Variants in KATNIP observed in about 807,000 individuals in gnomAD.
KATNIP encodes katanin-interacting protein.
In KATNIP, 126 loss-of-function variants were observed where a neutral mutation model predicts 174.0. The ratio of observed to expected loss-of-function variants is 0.72; its 90% CI spans 0.63 to 0.84. The LOEUF is 0.84. Ranked by LOEUF, KATNIP falls within the 40% of genes least tolerant of loss-of-function variation. KATNIP has a pLI of 0.00. For missense variants in KATNIP, 1,958 were observed against 2,109.7 expected, an observed-to-expected ratio of 0.93 and a Z score of 1.41; for synonymous variants, 810 against 835.7, an observed-to-expected ratio of 0.97 and a Z score of 0.53.
chr16:27,775,561 G>A (rs908709769), intron 24 of KATNIP, among the ~76,000 whole-genome samples: 5 of 152,218 alleles, frequency 3.3e-5, no homozygotes, highest in Admixed American at 6.5e-5. Flanking sequence ...CAGCTCTTCC[G>A]ACCAACTGAC....
At chr16:27,616,508 A>G (rs576362022) in intron 2 of KATNIP, among the ~76,000 whole-genome samples, 2 of 151,474 alleles carry the variant, frequency 1.3e-5, no homozygotes, top group Non-Finnish European at 2.9e-5. Flanking sequence ...GGCAGATTAC[A>G]TGAGGCCAGG....
chr16:27,642,638 G>A (rs916472160), intron 5 of KATNIP, among the ~76,000 whole-genome samples: 2 of 152,118 alleles, frequency 1.3e-5, no homozygotes, highest in Non-Finnish European at 2.9e-5. Context: ...AGTTGATAGG[G>A]CCTGGGAGGA....
intron 5 of KATNIP, among the ~76,000 whole-genome samples, chr16:27,631,930 T>C (rs1411253480): frequency 6.6e-6 from 1 of 152,182 alleles, no homozygotes; most frequent in Non-Finnish European, 1.5e-5. Flanking sequence ...TAGGCTCAGC[T>C]CCCATGTAAC....
At position 27,708,781 on chromosome 16, in the gene KATNIP, A is replaced by C. The variant is rs757280230; in HGVS notation, c.1466A>C (p.Asn489Thr). The C allele has an allele frequency of 6.2e-7, 1 of 1,613,904 alleles. No homozygotes were observed. The highest frequency in any genetic ancestry group is 1.1e-5 in the South Asian group (1 of 91,072). ...ATGGAGATCCTGTCCAACTGGGGCA[A>C]CTCGTGGTGGGTGGGTCTCACAGAA... ...VTMEILSNWGNSWWVGLTEVE... is the reference protein window; with the variant it reads ...VTMEILSNWGTSWWVGLTEVE... Residue 489 changes from asparagine to threonine, a missense_variant, in exon 13 of 28, where the codon AAC (asparagine) becomes ACC (threonine). Transcript: ENST00000261588.
intron 2 of KATNIP, among the ~76,000 whole-genome samples, chr16:27,576,866 G>A (rs1163787155): frequency 1.3e-5 from 2 of 152,180 alleles, no homozygotes; most frequent in African/African-American, 4.8e-5. Flanking sequence ...TAGAACAAAT[G>A]TTGTATTTCT....
chr16:27,648,480 C>T, intron 5 of KATNIP, 124 bp from the exon 6 acceptor site: 1 of 1,159,014 alleles, frequency 8.6e-7, no homozygotes, highest in Non-Finnish European at 1.2e-6. Flanking sequence ...TGCATGCAGG[C>T]ACACCACCCC....
At chr16:27,661,658 G>A (rs1468817072) in intron 6 of KATNIP, among the ~76,000 whole-genome samples, 1 of 151,556 alleles carries the variant, frequency 6.6e-6, no homozygotes, top group African/African-American at 2.4e-5. Flanking sequence ...CTCCCAAAGT[G>A]CTGGGATTAC....
At chr16:27,679,749 CAAA>C (rs60190438) in intron 7 of KATNIP, among the ~76,000 whole-genome samples, 4 of 55,730 alleles carry the variant, frequency 7.2e-5, no homozygotes, top group African/African-American at 1.6e-4. Flanking sequence ...GAGACCCTCT[CAAA>C]AAAAAAAAAA....
chr16:27,608,226 CTTTT>C (rs35752811), intron 2 of KATNIP, among the ~76,000 whole-genome samples: 1 of 109,856 alleles, frequency 9.1e-6, no homozygotes, highest in African/African-American at 3.5e-5. Context: ...TGGTAAAATT[CTTTT>C]TTTTTTTTTT....
At position 27,681,399 on chromosome 16, in the gene KATNIP, G is replaced by A; in HGVS notation, c.809G>A (p.Ser270Asn). Reference sequence around the variant, plus strand: ...ACATGAAACAATTGTTTTCCTACAGGTCATAAAAGGGAAAGGAATTTGTCT... The same window carrying A: ...ACATGAAACAATTGTTTTCCTACAGATCATAAAAGGGAAAGGAATTTGTCT... ...VVLEFNPASK[S>N]HKRERNLSAK... Residue 270 changes from serine to asparagine, a missense_variant and splice_region_variant, in exon 8 of 28, where the codon AGT becomes AAT. Physicochemically the swap from Ser to Asn is conservative, Grantham distance 46 (BLOSUM62 1). Transcript: ENST00000261588. 1 of 1,614,146 alleles carries A rather than the reference G, an allele frequency of 6.2e-7. No homozygotes were observed. The highest frequency in any genetic ancestry group is 8.5e-7 in the Non-Finnish European group (1 of 1,180,002).
At chr16:27,689,735 C>T (rs766651646) in intron 8 of KATNIP, among the ~76,000 whole-genome samples, 5 of 152,120 alleles carry the variant, frequency 3.3e-5, no homozygotes, top group Admixed American at 6.6e-5. Flanking sequence ...AAACAGCAAC[C>T]GTTTTATGAT....
intron 2 of KATNIP, among the ~76,000 whole-genome samples, chr16:27,602,707 C>CT (rs199621650): frequency 0.021 from 3,162 of 151,458 alleles, 130 homozygotes; most frequent in African/African-American, 0.073. Context: ...TCTTCTTCTT[C>CT]TTTTTTTTTG....
chr16:27,770,473 C>T (rs1044770643), intron 21 of KATNIP, among the ~76,000 whole-genome samples: 2 of 152,206 alleles, frequency 1.3e-5, no homozygotes, highest in Admixed American at 6.5e-5. Flanking sequence ...GTAAATGCCA[C>T]GTTAAGTTTA....
intron 14 of KATNIP, among the ~76,000 whole-genome samples, chr16:27,739,224 G>A (rs1047387045): frequency 6.6e-6 from 1 of 152,218 alleles, no homozygotes; most frequent in African/African-American, 2.4e-5. Flanking sequence ...GACAGCTGGC[G>A]GATTGGATGG....
chr16:27,619,623 C>T (rs113383521), intron 3 of KATNIP, among the ~76,000 whole-genome samples: 4 of 152,098 alleles, frequency 2.6e-5, no homozygotes, highest in East Asian at 1.9e-4. Context: ...TGTAATCTCA[C>T]GAATTGCAGG....
intron 1 of KATNIP, among the ~76,000 whole-genome samples, chr16:27,565,758 G>A (rs948669059): frequency 1.3e-5 from 2 of 150,924 alleles, no homozygotes; most frequent in Non-Finnish European, 2.9e-5. Flanking sequence ...CACTCTAGCC[G>A]GGACAGCAGA....
At chr16:27,563,382 A>G (rs983248375) in intron 1 of KATNIP, among the ~76,000 whole-genome samples, 2 of 152,130 alleles carry the variant, frequency 1.3e-5, no homozygotes, top group African/African-American at 4.8e-5. Context: ...GACTAGGTGC[A>G]GTGGTGCACG....
chr16:27,570,277 G>A (rs1298732686), intron 1 of KATNIP, among the ~76,000 whole-genome samples: 1 of 151,880 alleles, frequency 6.6e-6, no homozygotes, highest in Non-Finnish European at 1.5e-5. Context: ...TCCCTTACAG[G>A]AGTGAGCCAG....
chr16:27,697,384 G>T (rs981993535), intron 8 of KATNIP, among the ~76,000 whole-genome samples: 3 of 151,954 alleles, frequency 2.0e-5, no homozygotes, highest in Non-Finnish European at 4.4e-5. Context: ...TTGTGATTTT[G>T]ATTTGCTTTT....
Sources: allele counts gnomAD v4.1 joint callset (sites outside exome capture counted in the v4.1 genomes callset), GRCh38; gene constraint gnomAD v4.1.1; transcripts MANE v1.5; gene names NCBI Gene and HGNC (gene_info 2026-07-23, HGNC 2026-07-21).